Variants in SLC2A11 observed in about 807,000 individuals in gnomAD.
SLC2A11 encodes solute carrier family 2, facilitated glucose transporter member 11.
SLC2A11 carries 43 observed loss-of-function variants against 52.1 expected under a neutral mutation model. That is an observed-to-expected ratio of 0.82 (90% CI 0.65 to 1.06). The LOEUF is 1.06. Among genes scored for constraint, SLC2A11 ranks in the 50% least tolerant of loss-of-function variants. The pLI, the probability that SLC2A11 is intolerant of heterozygous loss-of-function variation, is 0.00. For missense variants in SLC2A11, 582 were observed against 654.2 expected, an observed-to-expected ratio of 0.89 and a Z score of 1.20; for synonymous variants, 261 against 277.6, an observed-to-expected ratio of 0.94 and a Z score of 0.59.
chr22:23,869,844 C>T (rs1441389571), intron 3 of SLC2A11: 2 of 601,850 alleles, frequency 3.3e-6, no homozygotes, highest in East Asian at 5.7e-5. Context: ...TGCCTTGTCC[C>T]TGTGTCCTCA....
At chr22:23,856,964 C>T (rs766007815), upstream of SLC2A11, 68 of 1,611,760 alleles carry the variant, frequency 4.2e-5, no homozygotes, top group Non-Finnish European at 5.7e-5. Flanking sequence ...CTGCCCAGGA[C>T]GCACAGATGA....
Position 23,884,196 on chromosome 22 carries a change from C to A in SLC2A11, c.1172-106C>A. 6.7e-7 allele frequency: 1 copy of A among 1,499,386 alleles called. No homozygotes were observed. The highest frequency in any genetic ancestry group is 8.9e-7 in the Non-Finnish European group (1 of 1,124,402). 92.9% of individuals were successfully genotyped at this position (1,499,386 alleles called of 1,614,324 possible). A position where few individuals can be genotyped will look rare whatever the true frequency, so the allele number is the denominator to read the frequency against. On this transcript the variant is annotated intron_variant, in intron 10 of 11. Coordinates refer to ENST00000316185, the MANE Select transcript of SLC2A11 (RefSeq NM_001024939.4). This position sits in a 1 kb window ranked among gnomAD's most constrained non-coding sequence, Gnocchi z 4.3. ...AGGAGGAGAGCACTGAGGGGCCCCC[C>A]ATACAGACTGGGCCTGGGCTCCCAC... is the stretch of plus-strand genomic sequence containing the variant.
chr22:23,881,799 G>A (rs1317109506), intron 6 of SLC2A11: 2 of 151,658 alleles, frequency 1.3e-5, no homozygotes, highest in African/African-American at 2.5e-5. Context: ...CAGAGAGATT[G>A]AGAGAGACAG....
At chr22:23,857,284 G>A (rs2031868327), upstream of SLC2A11, 4 of 825,058 alleles carry the variant, frequency 4.8e-6, no homozygotes, top group South Asian at 6.2e-5. Context: ...CAAAGGAGGG[G>A]GACGAGGGGC....
At chr22:23,860,603 G>T (rs372357834) in intron 1 of SLC2A11, among the ~76,000 whole-genome samples, 1 of 151,860 alleles carries the variant, frequency 6.6e-6, no homozygotes, top group Non-Finnish European at 1.5e-5. Context: ...GTGTGGTGGT[G>T]CATGCCTGCA....
At chr22:23,875,060 A>T (rs775450907) in intron 3 of SLC2A11, 57 bp from the exon 4 acceptor site, 1 of 1,460,084 alleles carries the variant, frequency 6.8e-7, no homozygotes, top group Admixed American at 2.4e-5. Flanking sequence ...GTCCCCAGGG[A>T]TGGTCCCGCT....
rs771045620 is a variant in SLC2A11 at position 23,882,556 on chromosome 22, A to C, written c.792A>C (p.Pro264=). The C allele has an allele frequency of 2.5e-6, 4 of 1,611,878 alleles. No homozygotes were observed. Among genetic ancestry groups the C allele is most frequent in the Non-Finnish European group, 2.5e-6 (3 of 1,179,302 alleles). The change falls in exon 7 of 12, where the codon CCA becomes CCC. Residue 264 remains proline, a synonymous_variant. Transcript: ENST00000316185. ...GCCAGGGCTGCCGTGCCCGGCGCCC[A>C]TGGGAGCTGTTCCAGCATCGGGCCC... is the stretch of plus-strand genomic sequence containing the variant. The part of the protein sequence containing the change: ...AACQGCRARR[P]WELFQHRALR...
Position 23,882,704 on chromosome 22 carries a change from C to A in SLC2A11, c.883-55C>A. 1.2e-6 allele frequency: 2 copies of A among 1,606,154 alleles called. 1 individual carries two copies. The highest frequency in any genetic ancestry group is 2.2e-5 in the South Asian group (2 of 90,162). ...CCCGGGGGCTTGGTGTTGCAGGCCGCTGGGAGCCATGGGAGGTGGAAGGGA... is the reference window on the plus strand; with the variant it reads ...CCCGGGGGCTTGGTGTTGCAGGCCGATGGGAGCCATGGGAGGTGGAAGGGA... On this transcript the variant is annotated intron_variant, in intron 7 of 11. Transcript: ENST00000316185.
Position 23,877,789 on chromosome 22 carries a change from A to C in SLC2A11, c.614A>C (p.Gln205Pro). Residue 205 changes from glutamine to proline, a missense_variant, in exon 6 of 12, where the codon CAG becomes CCG. Physicochemically the swap from Gln to Pro is moderately conservative, Grantham distance 76. Coordinates refer to ENST00000316185, the MANE Select transcript of SLC2A11 (RefSeq NM_001024939.4). ...AGCTGCCTGGTGCCCGGGGCGCTCC[A>C]GCTCGCCTCCCTGCCTCTGCTCCCT... Reference protein sequence around the residue: ...LASCLVPGALQLASLPLLPES... With the variant: ...LASCLVPGALPLASLPLLPES... 6.2e-7 allele frequency: 1 copy of C among 1,610,788 alleles called. No homozygotes were observed. Among genetic ancestry groups the C allele is most frequent in the African/African-American group, 1.3e-5 (1 of 74,938 alleles).
intron 4 of SLC2A11, 124 bp downstream of exon 4, chr22:23,875,365 GCCTA>G (rs950878721): frequency 8.9e-7 from 1 of 1,129,184 alleles, no homozygotes; most frequent in Non-Finnish European, 1.1e-6. Flanking sequence ...TTTTATTTAT[GCCTA>G]CCTTTGTCAC....
At chr22:23,877,639 A>G in intron 5 of SLC2A11, 82 bp from the exon 6 acceptor site, 1 of 1,464,558 alleles carries the variant, frequency 6.8e-7, no homozygotes, top group Non-Finnish European at 9.2e-7. Context: ...CCCTGCAGGG[A>G]GGTGTGTAGG....
In SLC2A11 at chr22:23,868,648, G is replaced by A. The variant is rs141549002; in HGVS notation, c.290+7G>A. The A allele has an allele frequency of 3.1e-5, 50 of 1,613,894 alleles. No individual in the cohort carries two copies. In the African/African-American group the frequency reaches 5.6e-4, roughly 18 times the overall value. On this transcript the variant is annotated splice_region_variant and intron_variant, in intron 3 of 11. Transcript: ENST00000316185. ...TGGCCATCACGCTGGGAAGGTAAGT[G>A]CTTCCTGCATACCCCCTGAATGCCC...
At chr22:23,857,517 C>G (rs16986337), upstream of SLC2A11, 2 of 1,612,844 alleles carry the variant, frequency 1.2e-6, no homozygotes, top group Admixed American at 3.3e-5. Context: ...GCCGTCCTTA[C>G]GGCCTCGGAC....
In SLC2A11 at chr22:23,885,118, C is replaced by A; in HGVS notation, c.*269C>A. ...CTGTAATCCCAGCACTTTGGGAGGC[C>A]AAGGTGGGAGGATCAATTGAGGCCA... On this transcript the variant is annotated 3_prime_UTR_variant, in exon 12 of 12. Coordinates refer to ENST00000316185, the MANE Select transcript of SLC2A11 (RefSeq NM_001024939.4). 1.9e-6 allele frequency: 1 copy of A among 522,948 alleles called. No individual in the cohort carries two copies. Among genetic ancestry groups the A allele is most frequent in the Non-Finnish European group, 3.3e-6 (1 of 298,560 alleles). The allele number at this position is 522,948 out of a possible 1,614,324, so 32.4% of individuals were successfully genotyped here.
Position 23,884,302 on chromosome 22 carries a change from C to G in SLC2A11, c.1172C>G (p.Ala391Gly), listed in dbSNP as rs2032927840. 1.9e-6 allele frequency: 3 copies of G among 1,612,874 alleles called. No homozygotes were observed. The highest frequency in any genetic ancestry group is 2.5e-6 in the Non-Finnish European group (3 of 1,179,326). Reference protein sequence around the residue: ...AFILSFGIGPAGVTGILATEL... With the variant: ...AFILSFGIGPGGVTGILATEL... ...CCCCTGTCCCTGCCCCTCCTTCTAG[C>G]CGGAGTGACGGGGATCCTGGCCACA... The change falls in exon 11 of 12, where the codon GCC becomes GGC. Residue 391 changes from alanine (A) to glycine (G), a missense_variant and splice_region_variant. By Grantham distance (60) the Ala-to-Gly change is moderately conservative. Coordinates refer to ENST00000316185, the MANE Select transcript of SLC2A11 (RefSeq NM_001024939.4). This position sits in a 1 kb window ranked among gnomAD's most constrained non-coding sequence, Gnocchi z 4.3.
At chr22:23,869,483 A>G (rs894792991) in intron 3 of SLC2A11, 1 of 147,884 alleles carries the variant, frequency 6.8e-6, no homozygotes. Context: ...ACAAGACTCC[A>G]TCTCAAAAAA....
At position 23,867,202 on chromosome 22, in the gene SLC2A11, T is replaced by G. The variant is rs190661272; in HGVS notation, c.130-1279T>G. 856 of 110,704 alleles carry G rather than the reference T, an allele frequency of 7.7e-3. 3 individuals carry two copies. The highest frequency in any genetic ancestry group is 0.013 in the Non-Finnish European group (665 of 49,840). 6.9% of individuals were successfully genotyped at this position (110,704 alleles called of 1,614,324 possible). A position where few individuals can be genotyped will look rare whatever the true frequency, so the allele number is the denominator to read the frequency against. On this transcript the variant is annotated intron_variant, in intron 2 of 11. Coordinates refer to ENST00000316185, the MANE Select transcript of SLC2A11 (RefSeq NM_001024939.4). ...ACAGAGCTCCTAAAACTCTTGGAAT[T>G]TTTTTTTTTTCAGACGTAGTTTTGC... is the stretch of plus-strand genomic sequence containing the variant.
intron 3 of SLC2A11, chr22:23,869,914 A>G (rs2032395167): frequency 2.9e-6 from 2 of 690,518 alleles, no homozygotes; most frequent in Admixed American, 4.6e-5. Flanking sequence ...GGCAAAAGGC[A>G]AAAAGAGCCT....
At chr22:23,858,795 C>T (rs183488781) in intron 1 of SLC2A11, among the ~76,000 whole-genome samples, 234 of 152,326 alleles carry the variant, frequency 1.5e-3, no homozygotes, top group Non-Finnish European at 2.5e-3. Context: ...GTAGCACCAG[C>T]TGATGTACTA....
Sources: allele counts gnomAD v4.1 joint callset (sites outside exome capture counted in the v4.1 genomes callset), GRCh38; gene constraint gnomAD v4.1.1; non-coding constraint Gnocchi (gnomAD v3.1); transcripts MANE v1.5; gene names NCBI Gene and HGNC (gene_info 2026-07-23, HGNC 2026-07-21).